The following VAT1L variants were observed in gnomAD, a reference collection of about 807,000 sequenced individuals.
The protein encoded by VAT1L is vesicle amine transport 1 like.
Under a neutral mutation model 44.1 loss-of-function variants are expected in VAT1L, and 34 were observed. That is an observed-to-expected ratio of 0.77 (90% CI 0.59 to 1.03). VAT1L has a LOEUF of 1.03. Ranked by LOEUF, VAT1L falls within the 50% of genes least tolerant of loss-of-function variation. VAT1L has a pLI of 0.00. For synonymous variants in VAT1L, 253 were observed against 202.2 expected (o/e 1.25, Z -2.13); for missense variants, 615 against 538.8 (o/e 1.14, Z -1.40).
rs1360599150 is a variant in VAT1L at position 77,788,572 on chromosome 16, G to A, written c.-111G>A. 2 of 1,276,462 alleles carry A rather than the reference G, an allele frequency of 1.6e-6. No individual in the cohort carries two copies. Among genetic ancestry groups the A allele is most frequent in the South Asian group, 1.4e-5 (1 of 71,500 alleles). 79.1% of individuals were successfully genotyped at this position (1,276,462 alleles called of 1,614,324 possible). The stretch of plus-strand genomic sequence containing the variant: ...TCGCAGAGGCTGCAGCCATTGCACA[G>A]CCGAGCATCCCACATTCAACAGGAG... On this transcript the variant is annotated 5_prime_UTR_variant, in exon 1 of 9. Coordinates refer to ENST00000302536, the MANE Select transcript of VAT1L (RefSeq NM_020927.3).
chr16:77,800,535 G>A (rs1259915693), intron 1 of VAT1L: 1 of 152,204 alleles, frequency 6.6e-6, no homozygotes, highest in Non-Finnish European at 1.5e-5. Context: ...GGGTTGCCTA[G>A]AAGGTGTTGC....
intron 1 of VAT1L, among the ~76,000 whole-genome samples, chr16:77,809,468 T>C (rs1487169101): frequency 6.6e-6 from 1 of 152,124 alleles, no homozygotes; most frequent in African/African-American, 2.4e-5. Flanking sequence ...TCTTTTTTTT[T>C]TCCATGGGAA....
At chr16:77,900,621 G>A (rs1028933062) in intron 7 of VAT1L, among the ~76,000 whole-genome samples, 1 of 151,370 alleles carries the variant, frequency 6.6e-6, no homozygotes, top group Non-Finnish European at 1.5e-5. Context: ...CTTGAACCCG[G>A]GAGGCAGAGG....
chr16:77,940,737 G>A (rs1567515783), intron 7 of VAT1L, among the ~76,000 whole-genome samples: 1 of 152,094 alleles, frequency 6.6e-6, no homozygotes. Flanking sequence ...GTGGTTTTCT[G>A]TCTGTCTTCA....
At chr16:77,958,042 G>A (rs1237907616) in intron 7 of VAT1L, among the ~76,000 whole-genome samples, 1 of 151,862 alleles carries the variant, frequency 6.6e-6, no homozygotes, top group Admixed American at 6.6e-5. Context: ...CAAGTAGCTG[G>A]GACTACAGGC....
intron 7 of VAT1L, among the ~76,000 whole-genome samples, chr16:77,952,179 G>A (rs955871050): frequency 3.3e-5 from 5 of 152,300 alleles, no homozygotes; most frequent in South Asian, 2.1e-4. Flanking sequence ...GAAGATTTAT[G>A]TCTTAAAGGA....
intron 7 of VAT1L, among the ~76,000 whole-genome samples, chr16:77,956,206 A>T (rs1483875549): frequency 6.6e-6 from 1 of 152,186 alleles, no homozygotes; most frequent in Non-Finnish European, 1.5e-5. Flanking sequence ...ATACATACTT[A>T]CCATGTACCC....
rs1000278205 is a variant in VAT1L, at chr16:77,879,560, A to G, written c.882+336A>G. On this transcript the variant is annotated intron_variant, in intron 6 of 8. Transcript: ENST00000302536. This position sits in a 1 kb window ranked among gnomAD's most constrained non-coding sequence, Gnocchi z 4.1. ...CTCAGCCTCCCAAAGTGCTGGGATT[A>G]CAGGCGTGAGCCACCGCACCCAGCT... 7.9e-5 allele frequency among the ~76,000 whole-genome samples: 12 copies of G among 152,240 alleles called. No individual in the cohort carries two copies. Among genetic ancestry groups the G allele is most frequent in the African/African-American group, 2.9e-4 (12 of 41,470 alleles).
intron 1 of VAT1L, among the ~76,000 whole-genome samples, chr16:77,802,521 A>C (rs1312750472): frequency 6.6e-6 from 1 of 151,820 alleles, no homozygotes; most frequent in Admixed American, 6.6e-5. Context: ...AGGCTGAGGC[A>C]GGGAATTGCT....
intron 7 of VAT1L, among the ~76,000 whole-genome samples, chr16:77,932,359 C>G (rs2017742589): frequency 6.6e-6 from 1 of 152,008 alleles, no homozygotes. Flanking sequence ...CCCGCCTTGG[C>G]CTCCAAAAGT....
At chr16:77,838,598 C>T (rs574578831) in intron 3 of VAT1L, among the ~76,000 whole-genome samples, 11 of 152,162 alleles carry the variant, frequency 7.2e-5, no homozygotes, top group Middle Eastern at 3.4e-3. Flanking sequence ...CAAGCTATGT[C>T]CCTCTCCCCA....
intron 7 of VAT1L, among the ~76,000 whole-genome samples, chr16:77,960,351 G>T (rs972649455): frequency 1.3e-5 from 2 of 152,070 alleles, no homozygotes; most frequent in African/African-American, 2.4e-5. Context: ...CACTTAGCTG[G>T]GGTTCTAAAG....
In VAT1L at chr16:77,879,417, A is replaced by G. The variant is rs2017125576; in HGVS notation, c.882+193A>G. ...GCGATTCTCCTGCCTCAGCCTCCCT[A>G]GTAGCTGGGATTACAGGCATGCGCC... On this transcript the variant is annotated intron_variant, in intron 6 of 8. Coordinates refer to ENST00000302536, the MANE Select transcript of VAT1L (RefSeq NM_020927.3). The surrounding 1 kb of genome is among the most constrained non-coding windows in gnomAD (Gnocchi z 4.1). Among the ~76,000 whole-genome samples, 2 of 152,130 alleles carry G rather than the reference A, an allele frequency of 1.3e-5. No individual in the cohort carries two copies. Among genetic ancestry groups the G allele is most frequent in the African/African-American group, 4.8e-5 (2 of 41,426 alleles).
chr16:77,977,603 A>T lies in VAT1L; in HGVS notation c.1168A>T (p.Asn390Tyr). 2 of 1,614,044 alleles carry T rather than the reference A, an allele frequency of 1.2e-6. No homozygotes were observed. The highest frequency in any genetic ancestry group is 1.7e-6 in the Non-Finnish European group (2 of 1,179,956). ...ATCCTCTTTTGAATTACAGATGGCC[A>T]ATGACAGCACAGAGACCAGTGAAGC... is the stretch of plus-strand genomic sequence containing the variant. ...VEKTPTPLMA[N>Y]DSTETSEAGE... The change falls in exon 9 of 9, where the codon AAT becomes TAT. Residue 390 changes from asparagine to tyrosine, a missense_variant. Coordinates refer to ENST00000302536, the MANE Select transcript of VAT1L (RefSeq NM_020927.3).
intron 7 of VAT1L, among the ~76,000 whole-genome samples, chr16:77,947,632 A>C (rs889102835): frequency 6.6e-6 from 1 of 152,078 alleles, no homozygotes; most frequent in African/African-American, 2.4e-5. Flanking sequence ...AGCACACAAC[A>C]TCCCCAGGAC....
intron 7 of VAT1L, among the ~76,000 whole-genome samples, chr16:77,934,606 A>T (rs753081245): frequency 6.6e-6 from 1 of 152,140 alleles, no homozygotes; most frequent in Non-Finnish European, 1.5e-5. Flanking sequence ...TAAGCCACTA[A>T]GTCTGTAGTA....
In VAT1L at chr16:77,937,510, G is replaced by A. The variant is rs540010059; in HGVS notation, c.1078-34340G>A. On this transcript the variant is annotated intron_variant, in intron 7 of 8. Coordinates refer to ENST00000302536, the MANE Select transcript of VAT1L (RefSeq NM_020927.3). ...TCCCCCACTACCTCCCTTTGTGGCCGAGCTGTTTTATTTGTGTTTTACTAT... is the reference window on the plus strand; with the variant it reads ...TCCCCCACTACCTCCCTTTGTGGCCAAGCTGTTTTATTTGTGTTTTACTAT... Among the ~76,000 whole-genome samples, 5 of 152,304 alleles carry A rather than the reference G, an allele frequency of 3.3e-5. No homozygotes were observed. The South Asian group carries it at 1.0e-3, about 32-fold the overall frequency.
intron 7 of VAT1L, among the ~76,000 whole-genome samples, chr16:77,936,781 G>C (rs565657811): frequency 6.6e-6 from 1 of 152,308 alleles, no homozygotes; most frequent in Non-Finnish European, 1.5e-5. Flanking sequence ...AGGAAGGAGA[G>C]GGAGGAAGAG....
intron 3 of VAT1L, among the ~76,000 whole-genome samples, chr16:77,838,755 C>T (rs143541559): frequency 4.0e-5 from 6 of 150,264 alleles, no homozygotes; most frequent in African/African-American, 1.2e-4. Flanking sequence ...CTCTCTTTTC[C>T]GTTTCCTTCT....
Sources: allele counts gnomAD v4.1 joint callset (sites outside exome capture counted in the v4.1 genomes callset), GRCh38; gene constraint gnomAD v4.1.1; non-coding constraint Gnocchi (gnomAD v3.1); transcripts MANE v1.5; gene names NCBI Gene and HGNC (gene_info 2026-07-23, HGNC 2026-07-21).